Variants in PDE4D observed in about 807,000 individuals in gnomAD.
The protein encoded by PDE4D is 3',5'-cyclic-AMP phosphodiesterase 4D.
Under a neutral mutation model 87.4 loss-of-function variants are expected in PDE4D, and 24 were observed. That is an observed-to-expected ratio of 0.27 (90% confidence interval 0.20 to 0.39). The LOEUF (loss-of-function observed/expected upper bound fraction) is 0.39. Ranked by LOEUF, PDE4D falls within the 10% of genes least tolerant of loss-of-function variation. The probability of loss-of-function intolerance (pLI) is 1.00; values close to 1 mark genes in which losing one functional copy is unlikely to be tolerated. For missense variants in PDE4D, 714 were observed against 1,041.0 expected, an observed-to-expected ratio of 0.69 and a Z score of 4.32; for synonymous variants, 384 against 383.2, an observed-to-expected ratio of 1.00 and a Z score of -0.02.
At chr5:60,375,391 A>G (rs2149993517) in intron 1 of PDE4D, among the ~76,000 whole-genome samples, 1 of 152,282 alleles carries the variant, frequency 6.6e-6, no homozygotes, top group South Asian at 2.1e-4. Context: ...AGTGTTTTGC[A>G]TATATTAATA....
chr5:60,398,327 A>G (rs1045074207), intron 1 of PDE4D, among the ~76,000 whole-genome samples: 2 of 152,186 alleles, frequency 1.3e-5, no homozygotes, highest in Non-Finnish European at 2.9e-5. Context: ...ATGGTGGTAA[A>G]AGTGGCTGTC....
intron 1 of PDE4D, among the ~76,000 whole-genome samples, chr5:59,431,901 A>G (rs537396836): frequency 7.7e-4 from 117 of 152,154 alleles, no homozygotes; most frequent in African/African-American, 2.7e-3. Context: ...TTCTTGTGTT[A>G]GTTTGCTAAG....
intron 2 of PDE4D, among the ~76,000 whole-genome samples, chr5:60,058,460 C>A (rs2152885643): frequency 6.6e-6 from 1 of 152,016 alleles, no homozygotes; most frequent in East Asian, 1.9e-4. Flanking sequence ...AAATCTTACT[C>A]TTTTCCTTTT....
chr5:60,336,992 T>G (rs1757806542), intron 1 of PDE4D, among the ~76,000 whole-genome samples: 1 of 152,056 alleles, frequency 6.6e-6, no homozygotes, highest in Non-Finnish European at 1.5e-5. Flanking sequence ...AACATTATTC[T>G]GGAAAGTTGT....
intron 1 of PDE4D, among the ~76,000 whole-genome samples, chr5:59,378,324 G>T (rs1028784668): frequency 1.3e-5 from 2 of 152,060 alleles, no homozygotes; most frequent in Admixed American, 1.3e-4. Context: ...AAAACTAATA[G>T]GTAGTAGGCT....
intron 1 of PDE4D, among the ~76,000 whole-genome samples, chr5:59,308,964 T>C (rs1771999646): frequency 1.3e-5 from 2 of 151,602 alleles, no homozygotes; most frequent in Admixed American, 6.6e-5. Flanking sequence ...GTCACTGGAG[T>C]TGTGCACCTA....
intron 1 of PDE4D, among the ~76,000 whole-genome samples, chr5:59,892,700 C>T (rs565814615): frequency 6.6e-6 from 1 of 152,122 alleles, no homozygotes; most frequent in African/African-American, 2.4e-5. Context: ...AGCAGCCCCA[C>T]CGACCCTCTT....
At chr5:60,155,344 G>A (rs1781873850) in intron 2 of PDE4D, among the ~76,000 whole-genome samples, 1 of 152,064 alleles carries the variant, frequency 6.6e-6, no homozygotes, top group Non-Finnish European at 1.5e-5. Flanking sequence ...TGATTAGATT[G>A]AGCCCCTTTT....
intron 1 of PDE4D, among the ~76,000 whole-genome samples, chr5:60,332,459 C>T (rs1397623069): frequency 6.6e-6 from 1 of 152,140 alleles, no homozygotes; most frequent in Non-Finnish European, 1.5e-5. Flanking sequence ...CTGTTTTTCA[C>T]ATTAATTCAT....
intron 1 of PDE4D, among the ~76,000 whole-genome samples, chr5:59,431,002 C>T (rs79249075): frequency 6.6e-6 from 1 of 151,994 alleles, no homozygotes; most frequent in African/African-American, 2.4e-5. Flanking sequence ...GGTTCTTATT[C>T]ATAAATTACT....
At chr5:59,983,556 G>A (rs529788364) in intron 3 of PDE4D, among the ~76,000 whole-genome samples, 54 of 152,208 alleles carry the variant, frequency 3.5e-4, no homozygotes, top group African/African-American at 1.2e-3. Flanking sequence ...TGTCTGAATG[G>A]TCATAACACA....
chr5:59,412,210 C>A (rs1313311886), intron 1 of PDE4D, among the ~76,000 whole-genome samples: 4 of 152,128 alleles, frequency 2.6e-5, no homozygotes, highest in Non-Finnish European at 5.9e-5. Context: ...ATGCAGTCAT[C>A]TTTTACATTA....
At chr5:60,401,088 A>G (rs1298834527) in intron 1 of PDE4D, among the ~76,000 whole-genome samples, 1 of 152,162 alleles carries the variant, frequency 6.6e-6, no homozygotes, top group Non-Finnish European at 1.5e-5. Context: ...TGGTACTGCT[A>G]TGGAGTCCAC....
chr5:60,118,681 C>G (rs56006168), intron 2 of PDE4D, among the ~76,000 whole-genome samples: 8 of 151,544 alleles, frequency 5.3e-5, no homozygotes, highest in African/African-American at 1.9e-4. Context: ...TCTTACTTTC[C>G]AACTATCCTA....
chr5:59,752,390 CTTAATTGTGATTTG>C (rs949231072), intron 1 of PDE4D, among the ~76,000 whole-genome samples: 20 of 152,244 alleles, frequency 1.3e-4, no homozygotes, highest in African/African-American at 4.3e-4. Flanking sequence ...TACAGATGAA[CTTAATTGTGATTTG>C]TGGAATTTAA....
chr5:59,966,086 T>C (rs1581945262), intron 3 of PDE4D, among the ~76,000 whole-genome samples: 2 of 152,202 alleles, frequency 1.3e-5, no homozygotes, highest in East Asian at 3.8e-4. Context: ...TCTCATCTGT[T>C]ACCCCCACCT....
intron 3 of PDE4D, among the ~76,000 whole-genome samples, chr5:59,946,146 G>T (rs932416824): frequency 1.3e-5 from 2 of 152,148 alleles, no homozygotes; most frequent in Non-Finnish European, 2.9e-5. Context: ...GGGCTTGGGG[G>T]CAGTATTCTG....
At chr5:60,056,498 A>T (rs2152884173) in intron 2 of PDE4D, among the ~76,000 whole-genome samples, 1 of 152,110 alleles carries the variant, frequency 6.6e-6, no homozygotes, top group Non-Finnish European at 1.5e-5. Context: ...TGGAAGAGAG[A>T]CAGCAGAGGG....
At chr5:60,133,767 C>T (rs1379313214) in intron 2 of PDE4D, among the ~76,000 whole-genome samples, 1 of 152,154 alleles carries the variant, frequency 6.6e-6, no homozygotes, top group African/African-American at 2.4e-5. Flanking sequence ...TTTACATACA[C>T]ATAATACATA....
Sources: gnomAD v4.1 joint callset for allele counts (sites outside exome capture counted in the v4.1 genomes callset) on GRCh38, gnomAD v4.1.1 for gene constraint, MANE v1.5 for transcripts, NCBI Gene and HGNC (gene_info 2026-07-23, HGNC 2026-07-21) for gene names.